The following NIM1K variants were observed in gnomAD, a reference collection of about 807,000 sequenced individuals.
NIM1K encodes the protein NIM1 serine/threonine protein kinase, also known as serine/threonine-protein kinase NIM1.
NIM1K carries 35 observed loss-of-function variants against 37.1 expected under a neutral mutation model. The observed-to-expected ratio is 0.94, with a 90% confidence interval of 0.72 to 1.25. NIM1K has a LOEUF of 1.25. Ranked by LOEUF, NIM1K falls within the 50% of genes most tolerant of loss-of-function variation. NIM1K has a pLI of 0.00. For synonymous variants in NIM1K, 234 were observed against 206.6 expected, an observed-to-expected ratio of 1.13 and a Z score of -1.14; for missense variants, 564 against 548.0, an observed-to-expected ratio of 1.03 and a Z score of -0.29.
At position 43,213,939 on chromosome 5, in the gene NIM1K, T is replaced by TTCTC. The variant is rs1446384429; in HGVS notation, c.-695+21531_-695+21532insCTCT. On this transcript the variant is annotated intron_variant, in intron 1 of 3. Transcript: ENST00000326035. ...CCACCATGCCTAGCTCTTTCTCTCT[T>TTCTC]TCTTTCTTTCTTTTTTCTTTCTCCT... 1.3e-4 allele frequency among the ~76,000 whole-genome samples: 19 copies of TTCTC among 151,198 alleles called. No individual in the cohort carries two copies. In the East Asian group the frequency reaches 2.9e-3, roughly 23 times the overall value.
intron 1 of NIM1K, among the ~76,000 whole-genome samples, chr5:43,211,836 G>T (rs925080378): frequency 1.3e-5 from 2 of 151,636 alleles, no homozygotes; most frequent in African/African-American, 4.8e-5. Context: ...GTTTGCTGGA[G>T]AATAAAATTG....
chr5:43,201,225 C>T (rs187485334), intron 1 of NIM1K, among the ~76,000 whole-genome samples: 1 of 151,520 alleles, frequency 6.6e-6, no homozygotes, highest in African/African-American at 2.4e-5. Context: ...CTGGCTAACA[C>T]GGTGAAACCC....
intron 1 of NIM1K, among the ~76,000 whole-genome samples, chr5:43,196,252 T>G (rs1250918214): frequency 6.6e-6 from 1 of 152,236 alleles, no homozygotes; most frequent in South Asian, 2.1e-4. Flanking sequence ...ATAATTGCAC[T>G]GAAATTTTTC....
rs557068898 is a variant in NIM1K at position 43,246,236 on chromosome 5, A to G, written c.292+169A>G. Reference sequence around the variant, plus strand: ...TGTGGTCTTCTCAGTTAATTTTCACAGTAACCATGTGAGGTCAATATTTTT... The same window carrying G: ...TGTGGTCTTCTCAGTTAATTTTCACGGTAACCATGTGAGGTCAATATTTTT... On this transcript the variant is annotated intron_variant, in intron 2 of 3. Coordinates refer to ENST00000326035, the MANE Select transcript of NIM1K (RefSeq NM_153361.4). Among the ~76,000 whole-genome samples the G allele has an allele frequency of 1.5e-4, 23 of 152,336 alleles. No homozygotes were observed. The East Asian group carries it at 3.3e-3, about 22-fold the overall frequency.
At chr5:43,266,911 T>C (rs1753171283) in intron 2 of NIM1K, among the ~76,000 whole-genome samples, 1 of 152,250 alleles carries the variant, frequency 6.6e-6, no homozygotes, top group Non-Finnish European at 1.5e-5. Context: ...TCTGTAGTTT[T>C]CTTTTTTGTT....
chr5:43,239,970 A>G (rs1752676176), intron 1 of NIM1K, among the ~76,000 whole-genome samples: 1 of 152,144 alleles, frequency 6.6e-6, no homozygotes, highest in South Asian at 2.1e-4. Flanking sequence ...AGAATCAGGT[A>G]TGATAATTTC....
chr5:43,197,155 C>T (rs1751930346), intron 1 of NIM1K, among the ~76,000 whole-genome samples: 1 of 151,446 alleles, frequency 6.6e-6, no homozygotes, highest in African/African-American at 2.4e-5. Flanking sequence ...TATTTAGAGG[C>T]AGGATCTCAC....
intron 2 of NIM1K, among the ~76,000 whole-genome samples, chr5:43,264,722 T>G (rs1431385800): frequency 6.6e-6 from 1 of 152,224 alleles, no homozygotes; most frequent in African/African-American, 2.4e-5. Flanking sequence ...GCATCGATGG[T>G]CTTTACAATT....
Position 43,206,625 on chromosome 5 carries a change from C to T in NIM1K, c.-695+14214C>T, listed in dbSNP as rs533691946. ...GCTAGTCCTGGCCTCCCTGGTGCAG[C>T]GCACTCCCTGCCTGCTGCAGCCTGA... On this transcript the variant is annotated intron_variant, in intron 1 of 3. Coordinates refer to ENST00000326035, the MANE Select transcript of NIM1K (RefSeq NM_153361.4). The T allele has an allele frequency of 2.3e-5, 15 of 660,098 alleles. No individual in the cohort carries two copies. The East Asian group carries it at 2.3e-4, about 10-fold the overall frequency. The allele number at this position is 660,098 out of a possible 1,614,324, so 40.9% of individuals were successfully genotyped here. A position where few individuals can be genotyped will look rare whatever the true frequency, so the allele number is the denominator to read the frequency against.
intron 1 of NIM1K, among the ~76,000 whole-genome samples, chr5:43,202,840 A>G (rs1057028775): frequency 1.6e-4 from 24 of 152,328 alleles, no homozygotes; most frequent in African/African-American, 5.8e-4. Flanking sequence ...TTATTTTACA[A>G]TGTTCAGTGA....
At chr5:43,229,246 G>A (rs1041407637) in intron 1 of NIM1K, among the ~76,000 whole-genome samples, 5 of 151,944 alleles carry the variant, frequency 3.3e-5, no homozygotes, top group Admixed American at 6.6e-5. Flanking sequence ...TTAGCCGGGC[G>A]TGGTGGCAGG....
intron 1 of NIM1K, among the ~76,000 whole-genome samples, chr5:43,194,061 C>T (rs1348634962): frequency 1.3e-5 from 2 of 152,112 alleles, no homozygotes; most frequent in Non-Finnish European, 2.9e-5. Context: ...GTAAACACTG[C>T]CCTCCAGCAA....
intron 1 of NIM1K, among the ~76,000 whole-genome samples, chr5:43,203,885 G>A (rs1261906248): frequency 1.3e-5 from 2 of 151,740 alleles, no homozygotes; most frequent in African/African-American, 4.8e-5. Flanking sequence ...AATTAGCTGG[G>A]CATGGTGGCA....
intron 1 of NIM1K, among the ~76,000 whole-genome samples, chr5:43,222,104 G>C (rs1403281083): frequency 6.6e-6 from 1 of 152,180 alleles, no homozygotes; most frequent in Non-Finnish European, 1.5e-5. Flanking sequence ...CTATACTGGT[G>C]CTGCTTCTGA....
At chr5:43,268,184 C>T (rs1007440293) in intron 2 of NIM1K, among the ~76,000 whole-genome samples, 2 of 152,094 alleles carry the variant, frequency 1.3e-5, no homozygotes, top group Admixed American at 6.5e-5. Flanking sequence ...CAGATTAATC[C>T]TTTTATCATT....
At chr5:43,269,887 G>T (rs755237445) in intron 2 of NIM1K, among the ~76,000 whole-genome samples, 4 of 152,092 alleles carry the variant, frequency 2.6e-5, no homozygotes, top group Non-Finnish European at 5.9e-5. Context: ...CAAAGTGCTG[G>T]GATTACAGGT....
chr5:43,198,403 G>A (rs537947123), intron 1 of NIM1K, among the ~76,000 whole-genome samples: 59 of 128,954 alleles, frequency 4.6e-4, no homozygotes, highest in Admixed American at 1.0e-3. Flanking sequence ...TCTCGAGCTC[G>A]CTCTCTTTCT....
intron 1 of NIM1K, among the ~76,000 whole-genome samples, chr5:43,218,242 C>T (rs574514984): frequency 6.6e-6 from 1 of 151,926 alleles, no homozygotes; most frequent in Admixed American, 6.5e-5. Context: ...AACTCCTGAC[C>T]TCAAGTGATC....
At chr5:43,246,235 C>T (rs960791636) in intron 2 of NIM1K, among the ~76,000 whole-genome samples, 168 bp downstream of exon 2, 1 of 152,212 alleles carries the variant, frequency 6.6e-6, no homozygotes, top group Non-Finnish European at 1.5e-5. Context: ...TTAATTTTCA[C>T]AGTAACCATG....
Sources: gnomAD v4.1 joint callset for allele counts (sites outside exome capture counted in the v4.1 genomes callset) on GRCh38, gnomAD v4.1.1 for gene constraint, MANE v1.5 for transcripts, NCBI Gene and HGNC (gene_info 2026-07-23, HGNC 2026-07-21) for gene names.